Variants in UNC13B observed in about 807,000 individuals in gnomAD.
The protein encoded by UNC13B is protein unc-13 homolog B.
In UNC13B, 144 loss-of-function variants were observed where a neutral mutation model predicts 211.0. The ratio of observed to expected loss-of-function variants is 0.68; its 90% CI spans 0.60 to 0.78. UNC13B has a LOEUF of 0.78. Ranked by LOEUF, UNC13B falls within the 30% of genes least tolerant of loss-of-function variation. The pLI is 0.00. For missense variants in UNC13B, 1,777 were observed against 2,002.0 expected (o/e 0.89, Z 2.14); for synonymous variants, 709 against 725.8 (o/e 0.98, Z 0.37).
intron 7 of UNC13B, among the ~76,000 whole-genome samples, chr9:35,267,162 G>A (rs1016287966): frequency 1.3e-5 from 2 of 152,166 alleles, no homozygotes; most frequent in African/African-American, 4.8e-5. Flanking sequence ...GAGTCAAAGA[G>A]GGGATGGCTA....
In UNC13B at chr9:35,403,740, G is replaced by A. The variant is rs1226432990; in HGVS notation, c.12738-8G>A. ...TCTGGCCTCATAACTTCTATCTTGT[G>A]CTCACAGCCTCCTGGGAAATGAGGA... On this transcript the variant is annotated splice_polypyrimidine_tract_variant and splice_region_variant and intron_variant, in intron 39 of 39. Transcript: ENST00000635942. 3 of 1,613,774 alleles carry A rather than the reference G, an allele frequency of 1.9e-6. No individual in the cohort carries two copies. The Admixed American group carries it at 5.0e-5, about 27-fold the overall frequency.
At chr9:35,347,768 T>C (rs1324883145) in intron 11 of UNC13B, among the ~76,000 whole-genome samples, 1 of 152,144 alleles carries the variant, frequency 6.6e-6, no homozygotes, top group Non-Finnish European at 1.5e-5. Flanking sequence ...AAATTTCCTA[T>C]TTGTCAGTAA....
rs377116939 is a variant in UNC13B, at chr9:35,324,631, C to T, written c.9414+10642C>T. 1.6e-4 allele frequency among the ~76,000 whole-genome samples: 24 copies of T among 152,216 alleles called. No homozygotes were observed. The East Asian group carries it at 3.3e-3, about 21-fold the overall frequency. ...GTGTTTATCTTATTGGACCTCTTTG[C>T]AGTATTTGACACTTCTGCACAGTCC... is the stretch of plus-strand genomic sequence containing the variant. On this transcript the variant is annotated intron_variant, in intron 11 of 39. Coordinates refer to ENST00000635942, the MANE Select transcript of UNC13B (RefSeq NM_001371189.2).
intron 11 of UNC13B, among the ~76,000 whole-genome samples, chr9:35,318,071 C>A (rs956178412): frequency 3.3e-5 from 5 of 152,068 alleles, no homozygotes; most frequent in Non-Finnish European, 5.9e-5. Context: ...AATTCAGTCT[C>A]TCAAAAAGAC....
At chr9:35,257,309 A>T (rs1587482615) in intron 6 of UNC13B, among the ~76,000 whole-genome samples, 1 of 99,104 alleles carries the variant, frequency 1.0e-5, no homozygotes, top group African/African-American at 3.5e-5. Flanking sequence ...TTTATAAAAA[A>T]TATAAATATT....
chr9:35,191,490 C>T (rs1822657926), intron 1 of UNC13B, among the ~76,000 whole-genome samples: 1 of 152,158 alleles, frequency 6.6e-6, no homozygotes, highest in Non-Finnish European at 1.5e-5. Context: ...TCCCTCTTGC[C>T]TGGGGACCAG....
At chr9:35,357,392 A>G (rs1032713009) in intron 11 of UNC13B, among the ~76,000 whole-genome samples, 1 of 152,018 alleles carries the variant, frequency 6.6e-6, no homozygotes, top group Non-Finnish European at 1.5e-5. Flanking sequence ...AGTAATGTCT[A>G]TTTAAGCCTT....
At chr9:35,362,359 C>T (rs996882118) in intron 11 of UNC13B, among the ~76,000 whole-genome samples, 6 of 152,138 alleles carry the variant, frequency 3.9e-5, no homozygotes, top group South Asian at 2.1e-4. Context: ...ACTAAGCATG[C>T]GATATCTAGG....
intron 11 of UNC13B, among the ~76,000 whole-genome samples, chr9:35,336,423 A>G (rs573181854): frequency 7.2e-5 from 11 of 152,372 alleles, no homozygotes; most frequent in South Asian, 4.1e-4. Flanking sequence ...CTTAAGGGCA[A>G]GGATTGTATC....
At position 35,399,629 on chromosome 9, in the gene UNC13B, C is replaced by T. The variant is rs762322926; in HGVS notation, c.12256-20C>T. The T allele has an allele frequency of 1.2e-6, 2 of 1,613,798 alleles. No individual in the cohort carries two copies. Among genetic ancestry groups the T allele is most frequent in the Non-Finnish European group, 1.7e-6 (2 of 1,179,718 alleles). On this transcript the variant is annotated intron_variant, in intron 35 of 39. Transcript: ENST00000635942. ...ATGACTGCTGTGAGCTGTCCTGATG[C>T]TGCTGATTTCTCTGAACAGGATCAC...
intron 11 of UNC13B, among the ~76,000 whole-genome samples, chr9:35,339,024 CT>C (rs1831828681): frequency 6.6e-6 from 1 of 152,172 alleles, no homozygotes; most frequent in Non-Finnish European, 1.5e-5. Context: ...TTCGGCTCCC[CT>C]TTAGAACTCC....
At chr9:35,211,432 C>T (rs1486404899) in intron 1 of UNC13B, among the ~76,000 whole-genome samples, 4 of 152,068 alleles carry the variant, frequency 2.6e-5, no homozygotes, top group East Asian at 1.9e-4. Context: ...TGTGGGTACC[C>T]GTAAATCTGC....
intron 7 of UNC13B, chr9:35,291,109 G>A (rs576672674): frequency 1.5e-5 from 24 of 1,550,126 alleles, no homozygotes; most frequent in South Asian, 3.6e-5. Flanking sequence ...AACAGAGTAC[G>A]TAAGAATTGA....
At chr9:35,235,549 G>T (rs779080222) in intron 3 of UNC13B, among the ~76,000 whole-genome samples, 5 of 149,958 alleles carry the variant, frequency 3.3e-5, no homozygotes, top group Non-Finnish European at 7.4e-5. Context: ...AGTGATTCTT[G>T]TGCCTCAGCC....
intron 22 of UNC13B, chr9:35,385,016 T>C: frequency 2.0e-6 from 2 of 984,706 alleles, no homozygotes; most frequent in Non-Finnish European, 2.4e-6. Flanking sequence ...GTGCCCTCCA[T>C]TTGCACAAAT....
At chr9:35,213,930 T>C (rs1405578557) in intron 1 of UNC13B, among the ~76,000 whole-genome samples, 1 of 152,166 alleles carries the variant, frequency 6.6e-6, no homozygotes, top group Non-Finnish European at 1.5e-5. Context: ...TTTCTGTGGA[T>C]ACAGCTACAC....
rs1661663189 is a variant in UNC13B, at chr9:35,217,460, C to T, written c.23-10555C>T. Among the ~76,000 whole-genome samples the T allele has an allele frequency of 2.7e-5, 4 of 150,632 alleles. No individual in the cohort carries two copies. The South Asian group carries it at 8.4e-4, about 32-fold the overall frequency. On this transcript the variant is annotated intron_variant, in intron 1 of 39. Transcript: ENST00000635942. ...CTGGAGTGCAGTGGCGTGATCTCAG[C>T]TCACTGCAAGCTCCGCCTCCTGGGT...
At chr9:35,362,802 A>T (rs1288104978) in intron 11 of UNC13B, among the ~76,000 whole-genome samples, 1 of 150,292 alleles carries the variant, frequency 6.7e-6, no homozygotes, top group Non-Finnish European at 1.5e-5. Flanking sequence ...TCCGTCTCAA[A>T]AAAAAAAAAA....
chr9:35,377,738 T>G (rs775843025), intron 16 of UNC13B, 43 bp downstream of exon 16: 3 of 1,587,406 alleles, frequency 1.9e-6, no homozygotes, highest in Non-Finnish European at 2.6e-6. Context: ...GCCTGGGCTA[T>G]GGGGAGGAGA....
Sources: allele counts gnomAD v4.1 joint callset (sites outside exome capture counted in the v4.1 genomes callset), GRCh38; gene constraint gnomAD v4.1.1; transcripts MANE v1.5; gene names NCBI Gene and HGNC (gene_info 2026-07-23, HGNC 2026-07-21).